GALNTL6: variants seen among roughly 807,000 people sequenced by gnomAD.
The protein encoded by GALNTL6 is polypeptide N-acetylgalactosaminyltransferase-like 6.
In GALNTL6, 46 loss-of-function variants were observed where a neutral mutation model predicts 73.7. The ratio of observed to expected loss-of-function variants is 0.62; its 90% confidence interval spans 0.49 to 0.80. GALNTL6 has a LOEUF of 0.80. GALNTL6 is among the 30% of genes least tolerant of loss of function. GALNTL6 has a pLI of 0.00. For synonymous variants in GALNTL6, 259 were observed against 263.7 expected (o/e 0.98, Z 0.17); for missense variants, 604 against 755.0 (o/e 0.80, Z 2.34).
intron 2 of GALNTL6, among the ~76,000 whole-genome samples, chr4:171,943,294 G>A (rs915735517): frequency 6.6e-6 from 1 of 152,162 alleles, no homozygotes; most frequent in African/African-American, 2.4e-5. Flanking sequence ...TTTAGTTTCT[G>A]AAAGATTCCC....
At chr4:172,265,490 T>C (rs556034707) in intron 3 of GALNTL6, among the ~76,000 whole-genome samples, 139 of 152,240 alleles carry the variant, frequency 9.1e-4, no homozygotes, top group African/African-American at 3.1e-3. Context: ...ATTCATCATG[T>C]ACAAAATATT....
In GALNTL6 at chr4:172,164,568, A is replaced by G. The variant is rs1388768877; in HGVS notation, c.139-65088A>G. On this transcript the variant is annotated intron_variant, in intron 2 of 12. Coordinates refer to ENST00000506823, the MANE Select transcript of GALNTL6 (RefSeq NM_001034845.3). ...GTTTACTATCAAAAGCTAGAACTCA[A>G]TACAAATATGGAGCATTACCTTACC... 2.6e-5 allele frequency among the ~76,000 whole-genome samples: 4 copies of G among 152,040 alleles called. No homozygotes were observed. In the East Asian group the frequency reaches 5.8e-4, roughly 22 times the overall value.
intron 5 of GALNTL6, among the ~76,000 whole-genome samples, chr4:172,657,304 G>A (rs1731083313): frequency 6.6e-6 from 1 of 152,166 alleles, no homozygotes; most frequent in African/African-American, 2.4e-5. Context: ...CCATCATGGT[G>A]GGTTTTGTTT....
chr4:172,293,219 C>G (rs1739532923), intron 3 of GALNTL6, among the ~76,000 whole-genome samples: 1 of 152,148 alleles, frequency 6.6e-6, no homozygotes, highest in Non-Finnish European at 1.5e-5. Flanking sequence ...ATGACAATAG[C>G]AAGTGACTTA....
Position 172,822,143 on chromosome 4 carries a change from T to C in GALNTL6, c.923+8420T>C, listed in dbSNP as rs1330720103. Among the ~76,000 whole-genome samples the C allele has an allele frequency of 2.6e-5, 4 of 152,200 alleles. No individual in the cohort carries two copies. In the East Asian group the frequency reaches 7.7e-4, roughly 29 times the overall value. On this transcript the variant is annotated intron_variant, in intron 7 of 12. Coordinates refer to ENST00000506823, the MANE Select transcript of GALNTL6 (RefSeq NM_001034845.3). The stretch of plus-strand genomic sequence containing the variant: ...CATTTAACAGTGAAAATGACATTAA[T>C]AAAATTAATCCTTAAATTAGCAATC...
Position 172,885,236 on chromosome 4 carries a change from A to C in GALNTL6, c.1041+2329A>C, listed in dbSNP as rs551211103. On this transcript the variant is annotated intron_variant, in intron 8 of 12. Transcript: ENST00000506823. ...GTAGTGTAGATATTTTAACAGTATT[A>C]GTTCTTCCAATCAAAGACCATGGTA... Among the ~76,000 whole-genome samples the C allele has an allele frequency of 1.1e-4, 16 of 152,102 alleles. No individual in the cohort carries two copies. The South Asian group carries it at 3.3e-3, about 32-fold the overall frequency.
At chr4:172,863,471 A>C (rs1345433205) in intron 7 of GALNTL6, among the ~76,000 whole-genome samples, 2 of 152,168 alleles carry the variant, frequency 1.3e-5, no homozygotes, top group Non-Finnish European at 2.9e-5. Flanking sequence ...CATGGAGTCA[A>C]AGGAGATCAT....
chr4:172,340,668 T>C (rs1329435526), intron 4 of GALNTL6, among the ~76,000 whole-genome samples: 1 of 152,252 alleles, frequency 6.6e-6, no homozygotes. Context: ...CTATAAGATC[T>C]TGCTTTTAAG....
chr4:172,060,517 C>G (rs912234064), intron 2 of GALNTL6, among the ~76,000 whole-genome samples: 1 of 151,620 alleles, frequency 6.6e-6, no homozygotes, highest in Admixed American at 6.6e-5. Flanking sequence ...GTCAATGATC[C>G]CCTTTATGAT....
chr4:172,747,954 C>T (rs1235785368), intron 5 of GALNTL6, among the ~76,000 whole-genome samples: 1 of 151,628 alleles, frequency 6.6e-6, no homozygotes, highest in Non-Finnish European at 1.5e-5. Flanking sequence ...ACTATATAAG[C>T]TCACTGACAC....
At chr4:172,739,659 C>T (rs572021643) in intron 5 of GALNTL6, among the ~76,000 whole-genome samples, 107 of 152,078 alleles carry the variant, frequency 7.0e-4, no homozygotes, top group African/African-American at 2.5e-3. Context: ...TGATAGTACC[C>T]AGGATGTAAG....
At chr4:172,945,500 A>G (rs890799777) in intron 9 of GALNTL6, among the ~76,000 whole-genome samples, 2 of 152,218 alleles carry the variant, frequency 1.3e-5, no homozygotes, top group Admixed American at 6.5e-5. Context: ...TTTAAGACAC[A>G]TTGTTAGCTC....
chr4:172,806,349 A>G (rs1740957367), intron 5 of GALNTL6, among the ~76,000 whole-genome samples: 1 of 152,228 alleles, frequency 6.6e-6, no homozygotes, highest in South Asian at 2.1e-4. Flanking sequence ...AGTAAATTAA[A>G]ATGGGCTTTG....
At chr4:172,398,110 G>T (rs1437550926) in intron 5 of GALNTL6, among the ~76,000 whole-genome samples, 1 of 151,976 alleles carries the variant, frequency 6.6e-6, no homozygotes, top group African/African-American at 2.4e-5. Flanking sequence ...CATACTGTTA[G>T]TATGATGACA....
intron 2 of GALNTL6, among the ~76,000 whole-genome samples, chr4:171,896,637 T>C (rs74509459): frequency 0.035 from 5,326 of 152,244 alleles, 290 homozygotes; most frequent in African/African-American, 0.12. Flanking sequence ...TAAGAGGTCT[T>C]TCTGTTGGCC....
At chr4:172,207,056 A>T (rs1736161047) in intron 2 of GALNTL6, among the ~76,000 whole-genome samples, 1 of 151,236 alleles carries the variant, frequency 6.6e-6, no homozygotes, top group South Asian at 2.1e-4. Flanking sequence ...TGACCTCGTG[A>T]TCCGCCCCCC....
At chr4:172,660,584 A>G (rs986450276) in intron 5 of GALNTL6, among the ~76,000 whole-genome samples, 2 of 152,178 alleles carry the variant, frequency 1.3e-5, no homozygotes, top group Non-Finnish European at 2.9e-5. Flanking sequence ...ACAGTGAGTG[A>G]GTTATAGCAG....
At chr4:172,544,348 CTA>C (rs1735677429) in intron 5 of GALNTL6, among the ~76,000 whole-genome samples, 1 of 152,176 alleles carries the variant, frequency 6.6e-6, no homozygotes, top group Admixed American at 6.5e-5. Context: ...CACATCTCTG[CTA>C]TGAGTTGTGG....
chr4:172,269,800 G>A (rs1738577692), intron 3 of GALNTL6, among the ~76,000 whole-genome samples: 1 of 151,642 alleles, frequency 6.6e-6, no homozygotes, highest in East Asian at 1.9e-4. Flanking sequence ...CGCCCAGGCT[G>A]GAGTGAGGTG....
Sources: gnomAD v4.1 joint callset for allele counts (sites outside exome capture counted in the v4.1 genomes callset) on GRCh38, gnomAD v4.1.1 for gene constraint, MANE v1.5 for transcripts, NCBI Gene and HGNC (gene_info 2026-07-23, HGNC 2026-07-21) for gene names.